Variants in HS3ST4 observed in about 807,000 individuals in gnomAD.
HS3ST4 encodes heparan sulfate-glucosamine 3-sulfotransferase 4.
In HS3ST4, 17 loss-of-function variants were observed where a neutral mutation model predicts 29.2. The observed-to-expected ratio is 0.58, with a 90% confidence interval of 0.40 to 0.87. The LOEUF is 0.87. Among genes scored for constraint, HS3ST4 ranks in the 40% least tolerant of loss-of-function variants. The pLI is 0.00. For missense variants in HS3ST4, 627 were observed against 634.5 expected (o/e 0.99, Z 0.13); for synonymous variants, 314 against 285.7 (o/e 1.10, Z -1.00).
chr16:25,821,651 G>T (rs1967157289), intron 1 of HS3ST4, among the ~76,000 whole-genome samples: 1 of 152,036 alleles, frequency 6.6e-6, no homozygotes, highest in African/African-American at 2.4e-5. Flanking sequence ...TCGCTGCTGG[G>T]CACGGTGGCT....
At chr16:25,968,813 GT>G (rs1273626249) in intron 1 of HS3ST4, among the ~76,000 whole-genome samples, 1 of 152,064 alleles carries the variant, frequency 6.6e-6, no homozygotes, top group Non-Finnish European at 1.5e-5. Context: ...ATTTTTGTTT[GT>G]TTGTTTTGTT....
intron 1 of HS3ST4, among the ~76,000 whole-genome samples, chr16:26,044,877 G>A (rs941589681): frequency 2.0e-5 from 3 of 152,234 alleles, no homozygotes; most frequent in Admixed American, 6.5e-5. Context: ...GCTTTATTAT[G>A]TCCTGTGGTC....
intron 1 of HS3ST4, among the ~76,000 whole-genome samples, chr16:26,094,045 G>T (rs1311900186): frequency 6.6e-6 from 1 of 152,168 alleles, no homozygotes; most frequent in Non-Finnish European, 1.5e-5. Context: ...GAAATAAAGT[G>T]AGAGGACAAG....
intron 1 of HS3ST4, among the ~76,000 whole-genome samples, chr16:25,838,676 G>A (rs1967384949): frequency 6.6e-6 from 1 of 151,990 alleles, no homozygotes; most frequent in African/African-American, 2.4e-5. Context: ...TCCTAGACCC[G>A]CCCACTCTTG....
intron 1 of HS3ST4, among the ~76,000 whole-genome samples, chr16:25,823,057 A>C (rs185599324): frequency 1.3e-5 from 2 of 152,226 alleles, no homozygotes; most frequent in African/African-American, 4.8e-5. Flanking sequence ...ACTTTTAATA[A>C]CAGCATCGTG....
At position 25,783,944 on chromosome 16, in the gene HS3ST4, C is replaced by T. The variant is rs190775846; in HGVS notation, c.734+90793C>T. ...TTGTTTACACATTGAGGGTTTCTGG[C>T]GACTGCATTAAGCAAGTCTATAAGT... On this transcript the variant is annotated intron_variant, in intron 1 of 1. Transcript: ENST00000331351. 1.8e-3 allele frequency among the ~76,000 whole-genome samples: 279 copies of T among 152,246 alleles called. 1 individual carries two copies. Among genetic ancestry groups the T allele is most frequent in the Middle Eastern group, 0.01 (3 of 294 alleles).
chr16:25,820,692 C>T (rs1004661756), intron 1 of HS3ST4, among the ~76,000 whole-genome samples: 6 of 152,052 alleles, frequency 3.9e-5, no homozygotes, highest in Admixed American at 6.5e-5. Context: ...GCCTCAGCCT[C>T]GTGAGTAGCT....
chr16:25,910,242 C>G lies in HS3ST4; in HGVS notation c.734+217091C>G, dbSNP rs538300828. ...GGAGTTGGCAGCTCTCCGTAAAGGG[C>G]CAAACAATAAATATTTTGGGCTTTG... On this transcript the variant is annotated intron_variant, in intron 1 of 1. Transcript: ENST00000331351. Among the ~76,000 whole-genome samples, 3 of 152,246 alleles carry G rather than the reference C, an allele frequency of 2.0e-5. No individual in the cohort carries two copies. In the East Asian group the frequency reaches 5.8e-4, roughly 29 times the overall value.
intron 1 of HS3ST4, among the ~76,000 whole-genome samples, chr16:26,113,514 A>C (rs1038341992): frequency 1.8e-5 from 2 of 112,010 alleles, no homozygotes; most frequent in Non-Finnish European, 3.8e-5. Context: ...GTGTGTATGC[A>C]AGAGGAAGAT....
intron 1 of HS3ST4, chr16:25,825,676 A>G (rs1300666132): frequency 6.6e-6 from 1 of 152,220 alleles, no homozygotes; most frequent in Admixed American, 6.5e-5. Flanking sequence ...TAAGACTGCC[A>G]TATGTGCTAA....
intron 1 of HS3ST4, among the ~76,000 whole-genome samples, chr16:26,105,427 A>T (rs1324794181): frequency 6.6e-6 from 1 of 152,172 alleles, no homozygotes; most frequent in Non-Finnish European, 1.5e-5. Context: ...GTTTATTCAT[A>T]CTCCAAACTT....
At chr16:26,098,917 A>G (rs1898961215) in intron 1 of HS3ST4, among the ~76,000 whole-genome samples, 1 of 151,996 alleles carries the variant, frequency 6.6e-6, no homozygotes, top group African/African-American at 2.4e-5. Context: ...CAACCTGCGG[A>G]TACGGTTCAG....
At chr16:25,720,447 T>C (rs762533915) in intron 1 of HS3ST4, among the ~76,000 whole-genome samples, 2 of 152,200 alleles carry the variant, frequency 1.3e-5, no homozygotes, top group Non-Finnish European at 2.9e-5. Context: ...CAAGAGAGAA[T>C]GCAGGGAAAA....
intron 1 of HS3ST4, among the ~76,000 whole-genome samples, chr16:26,083,090 C>G (rs1414194515): frequency 1.3e-5 from 2 of 152,210 alleles, no homozygotes; most frequent in African/African-American, 4.8e-5. Context: ...CAGTGATGCT[C>G]TCCCTCGTCT....
chr16:26,126,341 G>T (rs938752228), intron 1 of HS3ST4, among the ~76,000 whole-genome samples: 1 of 152,180 alleles, frequency 6.6e-6, no homozygotes, highest in Admixed American at 6.5e-5. Flanking sequence ...CAGCCTGCAG[G>T]TTGTCTCAGT....
intron 1 of HS3ST4, among the ~76,000 whole-genome samples, chr16:25,856,507 G>A (rs1005438175): frequency 6.6e-6 from 1 of 152,170 alleles, no homozygotes; most frequent in Admixed American, 6.5e-5. Context: ...TAATGTGCCA[G>A]GAGAATGCTA....
At chr16:25,883,737 G>A (rs1358136423) in intron 1 of HS3ST4, among the ~76,000 whole-genome samples, 1 of 152,152 alleles carries the variant, frequency 6.6e-6, no homozygotes, top group Non-Finnish European at 1.5e-5. Flanking sequence ...TAAAATAAGT[G>A]TTATTATACT....
chr16:25,730,225 G>T (rs951691823), intron 1 of HS3ST4, among the ~76,000 whole-genome samples: 2 of 152,126 alleles, frequency 1.3e-5, no homozygotes, highest in African/African-American at 4.8e-5. Flanking sequence ...CAAGGCTCTT[G>T]TATAGGTGAC....
At position 25,702,858 on chromosome 16, in the gene HS3ST4, C is replaced by T. The variant is rs144151241; in HGVS notation, c.734+9707C>T. 2.6e-3 allele frequency among the ~76,000 whole-genome samples: 395 copies of T among 151,940 alleles called. 5 individuals are homozygous for T. The highest frequency in any genetic ancestry group is 5.3e-3 in the East Asian group (27 of 5,132). ...AGGAGTGGATTAAGAGTTGAGCTAG[C>T]GGCTCAACTCAACTCTTAAGAGTTG... On this transcript the variant is annotated intron_variant, in intron 1 of 1. Transcript: ENST00000331351.
Sources: allele counts gnomAD v4.1 joint callset (sites outside exome capture counted in the v4.1 genomes callset), GRCh38; gene constraint gnomAD v4.1.1; transcripts MANE v1.5; gene names NCBI Gene and HGNC (gene_info 2026-07-23, HGNC 2026-07-21).